Variants in LTF observed in about 807,000 individuals in gnomAD.
The protein encoded by LTF is lactotransferrin.
LTF carries 91 observed loss-of-function variants against 87.2 expected under a neutral mutation model. The observed-to-expected ratio is 1.04, with a 90% CI of 0.88 to 1.24. The LOEUF is 1.24. LTF is among the 50% of genes most tolerant of loss of function. LTF has a pLI of 0.00. For synonymous variants in LTF, 378 were observed against 356.1 expected (o/e 1.06, Z -0.69); for missense variants, 901 against 904.3 (o/e 1.00, Z 0.05).
At chr3:46,460,959 T>C (rs1452386004) in intron 1 of LTF, among the ~76,000 whole-genome samples, 4 of 152,172 alleles carry the variant, frequency 2.6e-5, no homozygotes, top group African/African-American at 9.7e-5. Context: ...TAATGCTAGA[T>C]AGTATAACAT....
At position 46,455,306 on chromosome 3, in the gene LTF, A is replaced by C. The variant is rs756853456; in HGVS notation, c.636T>G (p.Ser212=). The change falls in exon 5 of 17, where the codon TCT becomes TCG. Residue 212 remains serine (S), a synonymous_variant. Transcript: ENST00000231751. ...FSSQEPYFSY[S]GAFKCLRDGA... is the part of the protein sequence containing the mutation. ...ACAGGGTCACTCACTTGAAGGCACC[A>C]GAGTAGCTGAAGTACGGTTCCTGGG... 1.2e-6 allele frequency: 2 copies of C among 1,614,264 alleles called. No homozygotes were observed. The highest frequency in any genetic ancestry group is 1.7e-6 in the Non-Finnish European group (2 of 1,180,042).
intron 12 of LTF, among the ~76,000 whole-genome samples, 161 bp from the exon 13 acceptor site, chr3:46,443,743 A>G (rs1378147065): frequency 6.6e-6 from 1 of 152,160 alleles, no homozygotes; most frequent in Non-Finnish European, 1.5e-5. Context: ...GTTGTCACCA[A>G]CATAGGACCC....
chr3:46,441,308 A>G, intron 14 of LTF, 108 bp downstream of exon 14: 1 of 804,108 alleles, frequency 1.2e-6, no homozygotes, highest in Non-Finnish European at 2.0e-6. Context: ...TTTAATCACA[A>G]ATATGGAAAA....
chr3:46,447,879 A>G (rs138252306), intron 9 of LTF, among the ~76,000 whole-genome samples: 3 of 152,200 alleles, frequency 2.0e-5, no homozygotes, highest in Non-Finnish European at 4.4e-5. Flanking sequence ...ACTCATCAGT[A>G]GTATGAAACT....
chr3:46,450,117 G>T, intron 7 of LTF, 89 bp from the exon 8 acceptor site: 1 of 1,116,420 alleles, frequency 9.0e-7, no homozygotes. Flanking sequence ...TGGAGCTTTG[G>T]GATCATTCTA....
At chr3:46,464,994 G>A (rs1315110531), upstream of LTF, 15 of 898,932 alleles carry the variant, frequency 1.7e-5, 1 homozygote, top group South Asian at 1.3e-4. Context: ...CACTCCCCGC[G>A]GCCAGGTCTA....
At chr3:46,458,826 C>T (rs554771404) in intron 2 of LTF, among the ~76,000 whole-genome samples, 45 of 152,344 alleles carry the variant, frequency 3.0e-4, no homozygotes, top group Admixed American at 2.6e-3. Flanking sequence ...CCTCCCACCT[C>T]GGCCTCCAAA....
chr3:46,474,080 A>G (rs1393726456), intron 1 of LTF, among the ~76,000 whole-genome samples: 1 of 152,254 alleles, frequency 6.6e-6, no homozygotes, highest in African/African-American at 2.4e-5. Context: ...AGAAAAAAAT[A>G]AAATAAAATG....
chr3:46,464,741 C>A, intron 1 of LTF, 84 bp downstream of exon 1: 1 of 1,510,814 alleles, frequency 6.6e-7, no homozygotes, highest in East Asian at 2.3e-5. Flanking sequence ...CCCAGCCAAC[C>A]GGACACAGGG....
chr3:46,442,927 A>G (rs1027491606), intron 13 of LTF, among the ~76,000 whole-genome samples: 9 of 152,328 alleles, frequency 5.9e-5, no homozygotes, highest in African/African-American at 2.2e-4. Context: ...GTTATAACTT[A>G]TGAATTCTGA....
intron 1 of LTF, chr3:46,463,726 C>T: frequency 2.9e-5 from 26 of 888,766 alleles, no homozygotes; most frequent in Non-Finnish European, 3.5e-5. Context: ...CCTGCCCCTC[C>T]CAGGTGGCCC....
intron 2 of LTF, among the ~76,000 whole-genome samples, chr3:46,459,178 C>A (rs1257546230): frequency 6.6e-6 from 1 of 152,184 alleles, no homozygotes; most frequent in African/African-American, 2.4e-5. Context: ...ATACCCTTTT[C>A]TCTCTCTCTG....
intron 1 of LTF, among the ~76,000 whole-genome samples, chr3:46,475,515 A>AACACACAC (rs59984149): frequency 1.7e-4 from 22 of 130,978 alleles, no homozygotes; most frequent in South Asian, 5.6e-4. Context: ...TCTCCCCCTA[A>AACACACAC]ACACACACAC....
At chr3:46,480,471 T>C (rs72900287) in intron 1 of LTF, among the ~76,000 whole-genome samples, 6,992 of 152,274 alleles carry the variant, frequency 0.046, 538 homozygotes, top group African/African-American at 0.16. Context: ...CCTTATTTCA[T>C]GCACGTTGGT....
At chr3:46,451,266 C>T (rs7610562) in intron 6 of LTF, among the ~76,000 whole-genome samples, 34,562 of 152,026 alleles carry the variant, frequency 0.23, 4,535 homozygotes, top group African/African-American at 0.37. Context: ...ACCTTGATGT[C>T]AAAATCAGAA....
rs1575320963 is a variant in LTF, at chr3:46,459,639, A to C, written c.207+17T>G. 2 of 1,415,072 alleles carry C rather than the reference A, an allele frequency of 1.4e-6. No homozygotes were observed. Among genetic ancestry groups the C allele is most frequent in the Non-Finnish European group, 1.9e-6 (2 of 1,077,236 alleles). The allele number at this position is 1,415,072 out of a possible 1,614,324, so 87.7% of individuals were successfully genotyped here. ...TCCATTCAGCTTGGTCCCAACCAAC[A>C]CCCGGCATTGACTCACCGCAATGGC... On this transcript the variant is annotated intron_variant, in intron 2 of 16. Coordinates refer to ENST00000231751, the MANE Select transcript of LTF (RefSeq NM_002343.6).
At chr3:46,476,746 A>ACAATGTAT (rs1703363724) in intron 1 of LTF, among the ~76,000 whole-genome samples, 1 of 152,188 alleles carries the variant, frequency 6.6e-6, no homozygotes, top group Non-Finnish European at 1.5e-5. Flanking sequence ...GACATCTAAC[A>ACAATGTAT]CAATGTATTC....
intron 1 of LTF, among the ~76,000 whole-genome samples, chr3:46,480,538 A>G (rs1439859453): frequency 1.3e-5 from 2 of 152,168 alleles, no homozygotes; most frequent in African/African-American, 4.8e-5. Context: ...CATGGTCCCT[A>G]TCTGGTGCTG....
intron 1 of LTF, 64 bp downstream of exon 1, chr3:46,464,761 C>T (rs1703171841): frequency 1.9e-6 from 3 of 1,582,012 alleles, no homozygotes; most frequent in Non-Finnish European, 2.6e-6. Flanking sequence ...GACCAAAGCG[C>T]CTAGCAGACA....
Sources: allele counts gnomAD v4.1 joint callset (sites outside exome capture counted in the v4.1 genomes callset), GRCh38; gene constraint gnomAD v4.1.1; transcripts MANE v1.5; gene names NCBI Gene and HGNC (gene_info 2026-07-23, HGNC 2026-07-21).